The following NRG1 variants were observed in gnomAD, a reference collection of about 807,000 sequenced individuals.
NRG1 encodes the protein pro-neuregulin-1, membrane-bound isoform.
In NRG1, 18 loss-of-function variants were observed where a neutral mutation model predicts 63.8. The observed-to-expected ratio is 0.28, with a 90% confidence interval of 0.19 to 0.42. The LOEUF (loss-of-function observed/expected upper bound fraction) is 0.42. Among genes scored for constraint, NRG1 ranks in the 10% least tolerant of loss-of-function variants. The pLI is 1.00. For synonymous variants in NRG1, 302 were observed against 301.3 expected (o/e 1.00, Z -0.02); for missense variants, 762 against 814.7 (o/e 0.94, Z 0.79).
chr8:32,203,367 T>C (rs890857279), intron 1 of NRG1, among the ~76,000 whole-genome samples: 1 of 151,690 alleles, frequency 6.6e-6, no homozygotes, highest in Admixed American at 6.6e-5. Flanking sequence ...CTTTAGTTCT[T>C]ATTTCATTTA....
In NRG1 at chr8:32,569,514, T is replaced by A. The variant is rs193195052; in HGVS notation, c.100+20688T>A. ...TTAACTTTCTGTCTATTTTCTCCTT[T>A]AAAAAAGAAAAGATTATATAGTAGA... On this transcript the variant is annotated intron_variant, in intron 1 of 11. Transcript: ENST00000356819. Among the ~76,000 whole-genome samples, 848 of 152,260 alleles carry A rather than the reference T, an allele frequency of 5.6e-3. 3 individuals are homozygous for A. The highest frequency in any genetic ancestry group is 0.027 in the Middle Eastern group (8 of 294).
At chr8:32,165,723 T>C (rs1016234363) in intron 1 of NRG1, among the ~76,000 whole-genome samples, 30 of 152,172 alleles carry the variant, frequency 2.0e-4, no homozygotes, top group African/African-American at 7.0e-4. Context: ...GTGAGGGCAT[T>C]GTTTGTATCA....
At chr8:32,746,942 G>A (rs2129044878) in intron 7 of NRG1, among the ~76,000 whole-genome samples, 1 of 139,234 alleles carries the variant, frequency 7.2e-6, no homozygotes, top group South Asian at 2.3e-4. Context: ...AGCATTATTT[G>A]CTCTGGGTCT....
intron 1 of NRG1, among the ~76,000 whole-genome samples, chr8:32,008,386 T>C (rs1446420982): frequency 6.6e-6 from 1 of 151,936 alleles, no homozygotes; most frequent in Admixed American, 6.6e-5. Flanking sequence ...AGTTTAATTA[T>C]AAGAGAAACA....
At chr8:32,695,666 T>C (rs1431676897) in intron 5 of NRG1, among the ~76,000 whole-genome samples, 1 of 152,208 alleles carries the variant, frequency 6.6e-6, no homozygotes, top group African/African-American at 2.4e-5. Context: ...TGATGTTGGC[T>C]GGGACACTGT....
At chr8:31,727,588 A>G (rs1426991424) in intron 1 of NRG1, among the ~76,000 whole-genome samples, 2 of 152,162 alleles carry the variant, frequency 1.3e-5, no homozygotes, top group Non-Finnish European at 2.9e-5. Context: ...GTAGATACTG[A>G]TACCCTGTCT....
chr8:31,735,752 G>A (rs1055607381), intron 1 of NRG1, among the ~76,000 whole-genome samples: 4 of 152,100 alleles, frequency 2.6e-5, no homozygotes, highest in African/African-American at 9.7e-5. Flanking sequence ...CTGCTCACTC[G>A]CTAATTATCC....
chr8:32,173,688 A>T (rs2132033215), intron 1 of NRG1, among the ~76,000 whole-genome samples: 2 of 152,336 alleles, frequency 1.3e-5, no homozygotes, highest in East Asian at 3.9e-4. Context: ...AGGGATTACA[A>T]TTCTAGTCTC....
intron 1 of NRG1, among the ~76,000 whole-genome samples, chr8:32,073,248 T>C (rs1826012372): frequency 6.6e-6 from 1 of 152,168 alleles, no homozygotes; most frequent in South Asian, 2.1e-4. Context: ...TAATGCAACG[T>C]TTCCATTTGG....
intron 1 of NRG1, among the ~76,000 whole-genome samples, chr8:32,166,924 A>G (rs1231328998): frequency 6.6e-6 from 1 of 152,204 alleles, no homozygotes; most frequent in Non-Finnish European, 1.5e-5. Context: ...GAATACCTTC[A>G]CCATTCAAAA....
intron 1 of NRG1, among the ~76,000 whole-genome samples, chr8:31,748,507 T>C (rs893982545): frequency 6.6e-6 from 1 of 151,904 alleles, no homozygotes; most frequent in Non-Finnish European, 1.5e-5. Flanking sequence ...TGTTCTGAAT[T>C]TGGAATGCGT....
intron 1 of NRG1, among the ~76,000 whole-genome samples, chr8:32,278,231 A>G (rs1275838844): frequency 6.6e-6 from 1 of 152,250 alleles, no homozygotes; most frequent in Non-Finnish European, 1.5e-5. Context: ...TACACAGAAC[A>G]CAGAAATGGC....
intron 1 of NRG1, among the ~76,000 whole-genome samples, chr8:32,032,186 A>G (rs1368413566): frequency 1.3e-5 from 2 of 151,654 alleles, no homozygotes; most frequent in Non-Finnish European, 2.9e-5. Context: ...TTTGATTTGC[A>G]TTTCTCTAGT....
chr8:32,577,035 G>T (rs1256278662), intron 1 of NRG1, among the ~76,000 whole-genome samples: 1 of 152,038 alleles, frequency 6.6e-6, no homozygotes, highest in African/African-American at 2.4e-5. Flanking sequence ...ATGAGTATTT[G>T]ATGTTTAGCT....
At chr8:32,073,436 A>G (rs1826040721) in intron 1 of NRG1, among the ~76,000 whole-genome samples, 1 of 152,204 alleles carries the variant, frequency 6.6e-6, no homozygotes, top group Admixed American at 6.5e-5. Context: ...TCTCCGTAGC[A>G]GACTTCATCC....
intron 1 of NRG1, among the ~76,000 whole-genome samples, chr8:32,071,315 T>G (rs745576085): frequency 6.6e-6 from 1 of 152,362 alleles, no homozygotes. Context: ...TACATGATTG[T>G]TCAGTTGTTA....
intron 1 of NRG1, among the ~76,000 whole-genome samples, chr8:31,741,134 G>T (rs374027297): frequency 6.6e-6 from 1 of 151,892 alleles, no homozygotes; most frequent in Middle Eastern, 3.2e-3. Context: ...ACCAAATATC[G>T]CATGTTCTCA....
At chr8:31,925,225 C>T (rs1456242261) in intron 1 of NRG1, among the ~76,000 whole-genome samples, 1 of 29,636 alleles carries the variant, frequency 3.4e-5, no homozygotes, top group Non-Finnish European at 7.6e-5. Flanking sequence ...AAATCTCAAA[C>T]TTTGGTTGTG....
intron 1 of NRG1, among the ~76,000 whole-genome samples, chr8:32,217,322 C>T (rs1350672063): frequency 1.3e-5 from 2 of 151,560 alleles, no homozygotes; most frequent in Admixed American, 1.3e-4. Context: ...GAGGTAAAAG[C>T]TCCCAGGAAA....
Sources: gnomAD v4.1 joint callset for allele counts (sites outside exome capture counted in the v4.1 genomes callset) on GRCh38, gnomAD v4.1.1 for gene constraint, MANE v1.5 for transcripts, NCBI Gene and HGNC (gene_info 2026-07-23, HGNC 2026-07-21) for gene names.